Variants in RFX4 observed in about 807,000 individuals in gnomAD.
RFX4 encodes transcription factor RFX4.
Under a neutral mutation model 95.0 loss-of-function variants are expected in RFX4, and 10 were observed. That is an observed-to-expected ratio of 0.11 (90% confidence interval 0.06 to 0.18). RFX4 has a LOEUF of 0.18. RFX4 is among the 10% of genes least tolerant of loss of function. The pLI is 1.00. For synonymous variants in RFX4, 321 were observed against 340.7 expected (o/e 0.94, Z 0.64); for missense variants, 640 against 922.0 (o/e 0.69, Z 3.96).
chr12:106,668,844 G>T (rs2041227694), intron 4 of RFX4, among the ~76,000 whole-genome samples: 1 of 152,138 alleles, frequency 6.6e-6, no homozygotes, highest in Non-Finnish European at 1.5e-5. Flanking sequence ...ACTGTGGAGG[G>T]TGACATGATT....
intron 4 of RFX4, among the ~76,000 whole-genome samples, chr12:106,669,651 C>A (rs2041242438): frequency 6.6e-6 from 1 of 152,006 alleles, no homozygotes; most frequent in African/African-American, 2.4e-5. Context: ...AAGATGAGGG[C>A]ACTCTTGAGG....
chr12:106,689,036 G>A (rs1206269936), intron 6 of RFX4, among the ~76,000 whole-genome samples: 1 of 152,152 alleles, frequency 6.6e-6, no homozygotes, highest in African/African-American at 2.4e-5. Flanking sequence ...GGGGCAGGAG[G>A]AGAAACCAGC....
At chr12:106,695,141 A>T (rs2041855555) in intron 7 of RFX4, among the ~76,000 whole-genome samples, 1 of 152,182 alleles carries the variant, frequency 6.6e-6, no homozygotes, top group Admixed American at 6.5e-5. Flanking sequence ...GGAAACAGGG[A>T]TGTGGATAAT....
At chr12:106,728,545 A>C (rs2042548170) in intron 13 of RFX4, among the ~76,000 whole-genome samples, 1 of 152,132 alleles carries the variant, frequency 6.6e-6, no homozygotes, top group African/African-American at 2.4e-5. Flanking sequence ...ATGCAATAAC[A>C]ATTAAGTTAA....
intron 5 of RFX4, among the ~76,000 whole-genome samples, chr12:106,684,365 CA>C (rs905741431): frequency 1.3e-5 from 2 of 151,384 alleles, no homozygotes; most frequent in Non-Finnish European, 2.9e-5. Context: ...AGACCTGTCT[CA>C]AAAAAAAGCA....
chr12:106,630,528 C>T (rs2040397928), intron 2 of RFX4, among the ~76,000 whole-genome samples: 1 of 152,188 alleles, frequency 6.6e-6, no homozygotes, highest in African/African-American at 2.4e-5. Context: ...TCACCCTGCT[C>T]ATCAGCTGGT....
At chr12:106,741,775 A>G (rs2042807580) in intron 15 of RFX4, among the ~76,000 whole-genome samples, 1 of 152,154 alleles carries the variant, frequency 6.6e-6, no homozygotes, top group African/African-American at 2.4e-5. Context: ...GGTTTTGTGG[A>G]AGACAATTTT....
chr12:106,724,196 A>G (rs1323792073), intron 13 of RFX4, among the ~76,000 whole-genome samples: 1 of 152,230 alleles, frequency 6.6e-6, no homozygotes, highest in African/African-American at 2.4e-5. Flanking sequence ...GATGACTATT[A>G]TAAGAAATAT....
At chr12:106,737,669 G>C (rs1043887960) in intron 15 of RFX4, among the ~76,000 whole-genome samples, 1 of 151,984 alleles carries the variant, frequency 6.6e-6, no homozygotes, top group Non-Finnish European at 1.5e-5. Context: ...TTGCTATCTT[G>C]TGTACTAGTC....
intron 5 of RFX4, 61 bp from the exon 6 acceptor site, chr12:106,686,823 G>A (rs1393113742): frequency 6.7e-7 from 1 of 1,490,790 alleles, no homozygotes; most frequent in Non-Finnish European, 9.3e-7. Context: ...TAATAACAGT[G>A]CATGTGGGTC....
intron 8 of RFX4, among the ~76,000 whole-genome samples, chr12:106,697,995 G>A (rs776747721): frequency 3.3e-5 from 5 of 150,828 alleles, no homozygotes; most frequent in Non-Finnish European, 5.9e-5. Flanking sequence ...TTTTTGAGAC[G>A]GAGTTTTGCT....
intron 3 of RFX4, among the ~76,000 whole-genome samples, chr12:106,641,733 G>C (rs1179177295): frequency 1.3e-5 from 2 of 152,028 alleles, no homozygotes; most frequent in African/African-American, 4.8e-5. Context: ...AAGACATCAA[G>C]TTGTTCAAAG....
intron 13 of RFX4, among the ~76,000 whole-genome samples, chr12:106,726,780 C>T (rs1307692194): frequency 6.6e-6 from 1 of 151,284 alleles, no homozygotes; most frequent in East Asian, 1.9e-4. Context: ...CTCAACCACA[C>T]TTTTTTTTTG....
chr12:106,692,892 T>C (rs994186142), intron 7 of RFX4, among the ~76,000 whole-genome samples: 3 of 152,216 alleles, frequency 2.0e-5, no homozygotes, highest in African/African-American at 7.2e-5. Flanking sequence ...GAGAGTTATA[T>C]GTTTAGTCCT....
chr12:106,654,108 C>A, intron 3 of RFX4, 120 bp from the exon 4 acceptor site: 2 of 1,357,900 alleles, frequency 1.5e-6, no homozygotes, highest in Non-Finnish European at 1.0e-6. Flanking sequence ...CCAGCTTCTC[C>A]ACCTGTAGAA....
At chr12:106,600,016 A>C (rs1731159027) in intron 1 of RFX4, among the ~76,000 whole-genome samples, 1 of 152,138 alleles carries the variant, frequency 6.6e-6, no homozygotes, top group African/African-American at 2.4e-5. Flanking sequence ...ACTCTACTCA[A>C]AAACTTTATG....
At chr12:106,632,847 C>G (rs1000879258) in intron 2 of RFX4, among the ~76,000 whole-genome samples, 1 of 152,008 alleles carries the variant, frequency 6.6e-6, no homozygotes, top group African/African-American at 2.4e-5. Context: ...GTATCTGGCA[C>G]TACAGGTGCA....
chr12:106,681,768 A>G (rs1224489718), intron 4 of RFX4, among the ~76,000 whole-genome samples: 2 of 152,128 alleles, frequency 1.3e-5, no homozygotes, highest in African/African-American at 4.8e-5. Context: ...GGTGAAGCAT[A>G]GAGTGGCCAA....
chr12:106,750,967 G>C (rs1202148905), intron 17 of RFX4, among the ~76,000 whole-genome samples, 174 bp downstream of exon 17: 2 of 151,510 alleles, frequency 1.3e-5, no homozygotes, highest in South Asian at 2.1e-4. Flanking sequence ...TTAAGTTTTA[G>C]GGTACATGTG....
Sources: gnomAD v4.1 joint callset for allele counts (sites outside exome capture counted in the v4.1 genomes callset) on GRCh38, gnomAD v4.1.1 for gene constraint, MANE v1.5 for transcripts, NCBI Gene and HGNC (gene_info 2026-07-23, HGNC 2026-07-21) for gene names.